Variants in DSCAML1 observed in about 807,000 individuals in gnomAD.
DSCAML1 encodes the protein cell adhesion molecule DSCAML1.
In DSCAML1, 38 loss-of-function variants were observed where a neutral mutation model predicts 200.5. The ratio of observed to expected loss-of-function variants is 0.19; its 90% CI spans 0.15 to 0.25. DSCAML1 has a LOEUF of 0.25. Among genes scored for constraint, DSCAML1 ranks in the 10% least tolerant of loss-of-function variants. The probability of loss-of-function intolerance (pLI) is 1.00; values close to 1 mark genes in which losing one functional copy is unlikely to be tolerated. For synonymous variants in DSCAML1, 1,215 were observed against 1,165.0 expected, an observed-to-expected ratio of 1.04 and a Z score of -0.87; for missense variants, 2,223 against 2,858.8, an observed-to-expected ratio of 0.78 and a Z score of 5.07.
chr11:117,590,909 A>G (rs1325354324), intron 3 of DSCAML1, among the ~76,000 whole-genome samples: 1 of 152,176 alleles, frequency 6.6e-6, no homozygotes, highest in Non-Finnish European at 1.5e-5. Context: ...ATTCGTACTG[A>G]GTGTATGTAG....
intron 3 of DSCAML1, among the ~76,000 whole-genome samples, chr11:117,542,312 CAAA>C: frequency 9.7e-6 from 1 of 103,262 alleles, no homozygotes; most frequent in Non-Finnish European, 2.1e-5. Context: ...CAAAACAAAA[CAAA>C]ACAAAACAAA....
At position 117,633,842 on chromosome 11, in the gene DSCAML1, C is replaced by G. The variant is rs1438263523; in HGVS notation, c.512-101320G>C. ...TTAGTGGCCCTTCGTGTCCTCCAGA[C>G]TTTGATGCCTGCTAAGTGGGGTCTG... On this transcript the variant is annotated intron_variant, in intron 3 of 32. Transcript: ENST00000651296. Among the ~76,000 whole-genome samples, 3 of 152,118 alleles carry G rather than the reference C, an allele frequency of 2.0e-5. No individual in the cohort carries two copies. The East Asian group carries it at 5.8e-4, about 29-fold the overall frequency.
At chr11:117,600,442 C>T (rs867079703) in intron 3 of DSCAML1, among the ~76,000 whole-genome samples, 11 of 152,318 alleles carry the variant, frequency 7.2e-5, no homozygotes, top group South Asian at 2.1e-4. Flanking sequence ...TCCCCACTCT[C>T]GCCACAGCTG....
chr11:117,587,903 C>T (rs1168502838), intron 3 of DSCAML1, among the ~76,000 whole-genome samples: 1 of 152,136 alleles, frequency 6.6e-6, no homozygotes, highest in East Asian at 1.9e-4. Context: ...CACAGCCCCT[C>T]TCTGCTCGGC....
intron 1 of DSCAML1, among the ~76,000 whole-genome samples, chr11:117,784,724 C>T (rs2055320520): frequency 6.6e-6 from 1 of 152,210 alleles, no homozygotes; most frequent in South Asian, 2.1e-4. Context: ...TGGGTGCTCA[C>T]CCCTCACCTG....
At position 117,661,855 on chromosome 11, in the gene DSCAML1, G is replaced by A. The variant is rs151148500; in HGVS notation, c.511+114936C>T. On this transcript the variant is annotated intron_variant, in intron 3 of 32. Coordinates refer to ENST00000651296, the MANE Select transcript of DSCAML1 (RefSeq NM_020693.4). ...AGGGACTGGGCCTATGAAAAAGAGT[G>A]GCTGGATGGAAGGCAGAGTTGGCAC... 2.4e-3 allele frequency among the ~76,000 whole-genome samples: 373 copies of A among 152,340 alleles called. 8 individuals carry two copies. The highest frequency in any genetic ancestry group is 2.1e-3 in the Non-Finnish European group (141 of 68,034).
At chr11:117,500,168 T>A (rs1015920286) in intron 11 of DSCAML1, among the ~76,000 whole-genome samples, 2 of 152,236 alleles carry the variant, frequency 1.3e-5, no homozygotes, top group African/African-American at 4.8e-5. Context: ...CTTCTCATCC[T>A]TCAAGCCCTA....
chr11:117,460,151 T>G (rs1186310762), intron 18 of DSCAML1, among the ~76,000 whole-genome samples: 5 of 152,238 alleles, frequency 3.3e-5, no homozygotes, highest in Non-Finnish European at 7.3e-5. Context: ...AAGCGAGTTC[T>G]GGAAAACAGG....
chr11:117,477,498 G>A (rs1384474022), intron 14 of DSCAML1, among the ~76,000 whole-genome samples: 2 of 151,358 alleles, frequency 1.3e-5, no homozygotes, highest in Non-Finnish European at 2.9e-5. Context: ...GCTGGTGCAT[G>A]ATTCTGCAAA....
chr11:117,488,866 G>A (rs888864864), intron 11 of DSCAML1, among the ~76,000 whole-genome samples: 2 of 152,236 alleles, frequency 1.3e-5, no homozygotes, highest in Non-Finnish European at 2.9e-5. Context: ...ATCTGAGGTA[G>A]GCACTGTTAT....
intron 5 of DSCAML1, among the ~76,000 whole-genome samples, chr11:117,523,074 G>T (rs1180580896): frequency 1.3e-5 from 2 of 152,184 alleles, no homozygotes; most frequent in East Asian, 3.9e-4. Flanking sequence ...ATGTAGCTGT[G>T]CATGGGTACA....
At chr11:117,743,871 C>A (rs1057079460) in intron 3 of DSCAML1, among the ~76,000 whole-genome samples, 1 of 152,218 alleles carries the variant, frequency 6.6e-6, no homozygotes, top group Non-Finnish European at 1.5e-5. Context: ...GTGGTGCTCT[C>A]CACCCCACAC....
At chr11:117,623,925 G>A (rs939974696) in intron 3 of DSCAML1, among the ~76,000 whole-genome samples, 1 of 152,118 alleles carries the variant, frequency 6.6e-6, no homozygotes. Flanking sequence ...CACTATTGGA[G>A]GATAATGGCT....
At chr11:117,673,738 A>G (rs2053156368) in intron 3 of DSCAML1, among the ~76,000 whole-genome samples, 1 of 152,218 alleles carries the variant, frequency 6.6e-6, no homozygotes, top group South Asian at 2.1e-4. Context: ...TGAGGCTCCC[A>G]GGCCTGGGCT....
chr11:117,674,214 G>A (rs191485399), intron 3 of DSCAML1, among the ~76,000 whole-genome samples: 1 of 152,312 alleles, frequency 6.6e-6, no homozygotes, highest in East Asian at 1.9e-4. Context: ...CCTGAGCCCT[G>A]GTGTGTGCCT....
intron 11 of DSCAML1, among the ~76,000 whole-genome samples, chr11:117,491,047 T>C (rs2049172300): frequency 6.6e-6 from 1 of 151,814 alleles, no homozygotes; most frequent in Admixed American, 6.6e-5. Flanking sequence ...CACCAGGGAG[T>C]GAAGATTCAG....
At chr11:117,787,777 G>A (rs1287013317) in intron 1 of DSCAML1, among the ~76,000 whole-genome samples, 1 of 152,200 alleles carries the variant, frequency 6.6e-6, no homozygotes, top group Non-Finnish European at 1.5e-5. Context: ...CACAGCTTTT[G>A]CTAATTCCCA....
At chr11:117,465,629 G>A (rs1218126789) in intron 16 of DSCAML1, among the ~76,000 whole-genome samples, 1 of 152,166 alleles carries the variant, frequency 6.6e-6, no homozygotes, top group African/African-American at 2.4e-5. Flanking sequence ...ATGCATTAGT[G>A]AAATTTGCCT....
At chr11:117,640,741 C>T (rs2052389749) in intron 3 of DSCAML1, among the ~76,000 whole-genome samples, 1 of 152,182 alleles carries the variant, frequency 6.6e-6, no homozygotes, top group Non-Finnish European at 1.5e-5. Flanking sequence ...TCACTGACCT[C>T]CACACACAGG....
Sources: gnomAD v4.1 joint callset for allele counts (sites outside exome capture counted in the v4.1 genomes callset) on GRCh38, gnomAD v4.1.1 for gene constraint, MANE v1.5 for transcripts, NCBI Gene and HGNC (gene_info 2026-07-23, HGNC 2026-07-21) for gene names.